Variants in TTN observed in about 807,000 individuals in gnomAD.
The protein encoded by TTN is titin.
In TTN, 1,525 loss-of-function variants were observed where a neutral mutation model predicts 3,223.0. That is an observed-to-expected ratio of 0.47 (90% confidence interval 0.45 to 0.49). The LOEUF (loss-of-function observed/expected upper bound fraction) is 0.49, where lower values mean the gene tolerates loss of function less well. Ranked by LOEUF, TTN falls within the 20% of genes least tolerant of loss-of-function variation. The pLI is 0.00. For synonymous variants in TTN, 14,094 were observed against 15,161.0 expected, an observed-to-expected ratio of 0.93 and a Z score of 5.17; for missense variants, 40,786 against 43,424.0, an observed-to-expected ratio of 0.94 and a Z score of 5.40.
In TTN at chr2:178,550,183, C is replaced by A; in HGVS notation, c.91655G>T (p.Gly30552Val). Residue 30552 changes from glycine to valine, a missense_variant, in exon 337 of 363, where the codon GGA becomes GTA. Transcript: ENST00000589042. ...CCAAGTTACTCGAGGCACTGGTCTT[C>A]CTTGTACCAAAGCTTTAATTCTAAG... Reference protein sequence around the residue: ...ESLRIKALVQGRPVPRVTWFK... With the variant: ...ESLRIKALVQVRPVPRVTWFK... 6.2e-7 allele frequency: 1 copy of A among 1,613,758 alleles called. No individual in the cohort carries two copies. The highest frequency in any genetic ancestry group is 8.5e-7 in the Non-Finnish European group (1 of 1,179,752).
chr2:178,670,957 A>C (rs943576464), intron 156 of TTN, 133 bp downstream of exon 156: 2 of 658,388 alleles, frequency 3.0e-6, no homozygotes, highest in African/African-American at 3.9e-5. Context: ...TAAAGATATT[A>C]GTTTGTTTTA....
chr2:178,639,864 C>T (rs2060998146), intron 222 of TTN, 76 bp from the exon 223 acceptor site: 1 of 1,464,702 alleles, frequency 6.8e-7, no homozygotes, highest in Non-Finnish European at 9.2e-7. Context: ...TTATTTGCCT[C>T]TTCTGATATA....
intron 83 of TTN, 28 bp from the exon 84 acceptor site, chr2:178,719,001 TAAAG>T: frequency 6.5e-7 from 1 of 1,547,840 alleles, no homozygotes. Flanking sequence ...GAAGGGGAGA[TAAAG>T]AGAAGAAAGA....
At position 178,663,680 on chromosome 2, in the gene TTN, T is replaced by A; in HGVS notation, c.36479A>T (p.Glu12160Val). Residue 12160 changes from glutamate (E) to valine (V), a missense_variant, in exon 171 of 363, where the codon GAA (glutamate) becomes GTA (valine). Coordinates refer to ENST00000589042, the MANE Select transcript of TTN (RefSeq NM_001267550.2). ...VPEPPKEVVPEKKAPVAPPKE... is the reference protein window; with the variant it reads ...VPEPPKEVVPVKKAPVAPPKE... ...AGGAGGAGCCACTGGCGCTTTCTTTTCAGGAACTACTTCTTTGGGAGGCTC... is the reference window on the plus strand; with the variant it reads ...AGGAGGAGCCACTGGCGCTTTCTTTACAGGAACTACTTCTTTGGGAGGCTC... 8.1e-6 allele frequency: 13 copies of A among 1,613,612 alleles called. No homozygotes were observed. Among genetic ancestry groups the A allele is most frequent in the Non-Finnish European group, 1.1e-5 (13 of 1,179,736 alleles).
Position 178,733,435 on chromosome 2 carries a change from G to A in TTN, c.15858C>T (p.Gly5286=), listed in dbSNP as rs1391148414. 2 of 1,613,804 alleles carry A rather than the reference G, an allele frequency of 1.2e-6. No homozygotes were observed. Among genetic ancestry groups the A allele is most frequent in the Non-Finnish European group, 1.7e-6 (2 of 1,179,778 alleles). ...DPATLEYTVA[G]TPELKPKWYK... ...ACCATTTGGGCTTCAGTTCTGGCGT[G>A]CCTGCCACTGTGTACTCCAGTGTGG... Residue 5286 remains glycine, a synonymous_variant, in exon 54 of 363, where the codon GGC becomes GGT. Transcript: ENST00000589042.
intron 49 of TTN, 138 bp downstream of exon 49, chr2:178,737,944 A>G: frequency 9.6e-7 from 1 of 1,039,308 alleles, no homozygotes; most frequent in Admixed American, 2.7e-5. Context: ...GCTCTGCAGT[A>G]CCTACCTACC....
rs1391719592 is a variant in TTN, at chr2:178,673,705, C to G, written c.34714G>C (p.Glu11572Gln). The change falls in exon 152 of 363, where the codon GAA becomes CAA. Residue 11572 changes from glutamate (E) to glutamine (Q), a missense_variant. By Grantham distance (29) the Glu-to-Gln change is conservative (BLOSUM62 2). Transcript: ENST00000589042. Reference sequence around the variant, plus strand: ...TCAGGTACTGCTTTCTTAATCACTTCAGGCACTTAAAAGAAATTTTATGAA... The same window carrying G: ...TCAGGTACTGCTTTCTTAATCACTTGAGGCACTTAAAAGAAATTTTATGAA... ...VEEVAPPRVP[E>Q]VIKKAVPEAP... The G allele has an allele frequency of 6.3e-7, 1 of 1,586,700 alleles. No individual in the cohort carries two copies. The highest frequency in any genetic ancestry group is 8.5e-7 in the Non-Finnish European group (1 of 1,170,254).
chr2:178,747,516 GA>G, intron 47 of TTN: 1 of 1,613,344 alleles, frequency 6.2e-7, no homozygotes, highest in South Asian at 1.1e-5. Flanking sequence ...GGAGAAAGTG[GA>G]CGACCTAGTG....
Position 178,563,185 on chromosome 2 carries a change from G to A in TTN, c.82947C>T (p.Ile27649=), listed in dbSNP as rs1575643829. 1 of 1,613,742 alleles carries A rather than the reference G, an allele frequency of 6.2e-7. No individual in the cohort carries two copies. Among genetic ancestry groups the A allele is most frequent in the Non-Finnish European group, 8.5e-7 (1 of 1,179,718 alleles). Residue 27649 remains isoleucine, a synonymous_variant, in exon 326 of 363, where the codon ATC becomes ATT. Coordinates refer to ENST00000589042, the MANE Select transcript of TTN (RefSeq NM_001267550.2). The surrounding 1 kb of genome is among the most constrained non-coding windows in gnomAD (Gnocchi z 4.5). ...CAGGTTCACCTACACCTTCAGAATTGATGGCACAAATACGGAAGTTATATT... is the reference window on the plus strand; with the variant it reads ...CAGGTTCACCTACACCTTCAGAATTAATGGCACAAATACGGAAGTTATATT... ...NTEYNFRICA[I]NSEGVGEPAT...
Position 178,586,667 on chromosome 2 carries a change from C to A in TTN, c.64234G>T (p.Ala21412Ser). Residue 21412 changes from alanine (A) to serine (S), a missense_variant, in exon 308 of 363, where the codon GCA becomes TCA. Ala to Ser is a moderately conservative substitution (Grantham distance 99). Transcript: ENST00000589042. ...ITSYREEEQPADRWTEYSVVK... is the reference protein window; with the variant it reads ...ITSYREEEQPSDRWTEYSVVK... ...ACTGAGTACTCTGTCCAGCGATCTG[C>A]AGGCTGCTCTTCTTCTCTGTAACTA... 1 of 1,613,190 alleles carries A rather than the reference C, an allele frequency of 6.2e-7. No individual in the cohort carries two copies. The highest frequency in any genetic ancestry group is 8.5e-7 in the Non-Finnish European group (1 of 1,179,392).
intron 69 of TTN, 124 bp from the exon 70 acceptor site, chr2:178,726,170 T>A: frequency 8.7e-7 from 1 of 1,145,790 alleles, no homozygotes; most frequent in Non-Finnish European, 1.2e-6. Flanking sequence ...AGTCCAGCAC[T>A]AACACTCTCA....
intron 1 of TTN, among the ~76,000 whole-genome samples, chr2:178,806,106 C>A (rs986168994): frequency 6.6e-6 from 1 of 152,038 alleles, no homozygotes; most frequent in Non-Finnish European, 1.5e-5. Flanking sequence ...CTTACTGTAA[C>A]CTTCTACTTA....
Position 178,592,526 on chromosome 2 carries a change from C to T in TTN, c.59479G>A (p.Ala19827Thr), listed in dbSNP as rs1486455831. ...KVTWKKEDRD[A>T]PTKARIDVTP... The stretch of plus-strand genomic sequence containing the variant: ...ACATCAATTCTTGCTTTAGTTGGAG[C>T]ATCTCTGTCTTCTTTTTTCCAAGTT... Residue 19827 changes from alanine to threonine, a missense_variant, in exon 301 of 363, where the codon GCT becomes ACT. Physicochemically the swap from Ala to Thr is moderately conservative, Grantham distance 58. Transcript: ENST00000589042. 1 of 1,613,338 alleles carries T rather than the reference C, an allele frequency of 6.2e-7. No homozygotes were observed. Among genetic ancestry groups the T allele is most frequent in the Admixed American group, 1.7e-5 (1 of 59,958 alleles).
intron 47 of TTN, chr2:178,748,466 T>C (rs1266842767): frequency 1.2e-6 from 2 of 1,612,952 alleles, no homozygotes; most frequent in Non-Finnish European, 1.7e-6. Context: ...TTTTTCTTTA[T>C]AATGTATTTC....
In TTN at chr2:178,717,717, G is replaced by C; in HGVS notation, c.25157C>G (p.Ser8386Ter). The C allele has an allele frequency of 6.2e-7, 1 of 1,613,402 alleles. No homozygotes were observed. The highest frequency in any genetic ancestry group is 1.1e-5 in the South Asian group (1 of 91,034). Reference sequence around the variant, plus strand: ...GTACCAAGACACTTGAAGAGGTTCTGAGCCATTGATGCGGCATTCAAATGC... The same window carrying C: ...GTACCAAGACACTTGAAGAGGTTCTCAGCCATTGATGCGGCATTCAAATGC... ...PVAFECRINGSEPLQVSWYKD... is the reference protein window; with the variant it reads ...PVAFECRING Residue 8386 changes from serine to a stop codon, truncating the protein, a stop_gained, in exon 87 of 363, where the codon TCA (serine) becomes TGA (stop). Coordinates refer to ENST00000589042, the MANE Select transcript of TTN (RefSeq NM_001267550.2). LOFTEE classifies it high-confidence loss of function.
intron 204 of TTN, 36 bp from the exon 205 acceptor site, chr2:178,652,003 G>A (rs1336308227): frequency 1.2e-6 from 2 of 1,610,932 alleles, no homozygotes. Flanking sequence ...TGCCAGAATT[G>A]ACTAAAACTG....
chr2:178,776,608 A>G lies in TTN; in HGVS notation c.5256T>C (p.Arg1752=). The G allele has an allele frequency of 6.2e-7, 1 of 1,614,120 alleles. No homozygotes were observed. The highest frequency in any genetic ancestry group is 1.1e-5 in the South Asian group (1 of 91,088). Reference sequence around the variant, plus strand: ...TGCAGTACCCAAATTCATTGATCATACGGAGCCTGTTGGCTGCTTCAAGTG... The same window carrying G: ...TGCAGTACCCAAATTCATTGATCATGCGGAGCCTGTTGGCTGCTTCAAGTG... ...GKPLEAANRL[R]MINEFGYCSL... The change falls in exon 28 of 363, where the codon CGT becomes CGC. Residue 1752 remains arginine (R), a synonymous_variant. Transcript: ENST00000589042.
At position 178,558,563 on chromosome 2, in the gene TTN, G is replaced by C; in HGVS notation, c.86896C>G (p.Pro28966Ala). ...ATTCTGCTTCCGCCATCATGTTCAG[G>C]CTTCAGCCAGGTCAGGGAAACACTG... Reference protein sequence around the residue: ...KDSVSLTWLKPEHDGGSRIVH... With the variant: ...KDSVSLTWLKAEHDGGSRIVH... The change falls in exon 327 of 363, where the codon CCT becomes GCT. Residue 28966 changes from proline to alanine, a missense_variant. Coordinates refer to ENST00000589042, the MANE Select transcript of TTN (RefSeq NM_001267550.2). 1 of 1,613,718 alleles carries C rather than the reference G, an allele frequency of 6.2e-7. No individual in the cohort carries two copies. Among genetic ancestry groups the C allele is most frequent in the Non-Finnish European group, 8.5e-7 (1 of 1,179,800 alleles).
intron 111 of TTN, among the ~76,000 whole-genome samples, chr2:178,699,750 G>T (rs1285106263): frequency 8.5e-6 from 1 of 118,262 alleles, no homozygotes; most frequent in South Asian, 2.7e-4. Flanking sequence ...TTTTTGAGAC[G>T]GAGTCTCACT....
Sources: gnomAD v4.1 joint callset for allele counts (sites outside exome capture counted in the v4.1 genomes callset) on GRCh38, gnomAD v4.1.1 for gene constraint, Gnocchi (gnomAD v3.1) non-coding constraint, MANE v1.5 for transcripts, NCBI Gene and HGNC (gene_info 2026-07-23, HGNC 2026-07-21) for gene names.